FBN2: variants seen among roughly 807,000 people sequenced by gnomAD.
FBN2 encodes fibrillin-2.
A neutral mutation model predicts 355.6 loss-of-function variants in FBN2; 105 were observed. That is an observed-to-expected ratio of 0.30 (90% CI 0.25 to 0.35). The LOEUF (loss-of-function observed/expected upper bound fraction) is 0.35. Ranked by LOEUF, FBN2 falls within the 10% of genes least tolerant of loss-of-function variation. The pLI is 1.00. For missense variants in FBN2, 3,280 were observed against 3,758.7 expected (o/e 0.87, Z 3.33); for synonymous variants, 1,350 against 1,301.2 (o/e 1.04, Z -0.81).
intron 33 of FBN2, among the ~76,000 whole-genome samples, chr5:128,330,216 T>C (rs765524513): frequency 7.2e-5 from 11 of 152,222 alleles, no homozygotes; most frequent in Non-Finnish European, 1.5e-5. Context: ...AGTAATTCAC[T>C]TACAGTTACA....
At chr5:128,274,746 T>G in intron 59 of FBN2, 63 bp from the exon 60 acceptor site, 1 of 1,027,182 alleles carries the variant, frequency 9.7e-7, no homozygotes, top group Middle Eastern at 2.0e-4. Flanking sequence ...TCCTTTCTTG[T>G]GAAGCCACAG....
chr5:128,305,596 C>T lies in FBN2; in HGVS notation c.5589G>A (p.Arg1863=), dbSNP rs1286622027. 6.2e-7 allele frequency: 1 copy of T among 1,613,962 alleles called. No individual in the cohort carries two copies. The change falls in exon 44 of 65, where the codon CGG becomes CGA. Residue 1863 remains arginine (R), a synonymous_variant. Coordinates refer to ENST00000262464, the MANE Select transcript of FBN2 (RefSeq NM_001999.4). ...CAGGACTATTGATGCAGTCTGCATT[C>T]CGCTGGCAGAGATTATCACCATTGC... ...ECSNGDNLCQ[R]NADCINSPGS...
At chr5:128,286,363 C>T (rs933306813) in intron 55 of FBN2, among the ~76,000 whole-genome samples, 4 of 152,112 alleles carry the variant, frequency 2.6e-5, no homozygotes, top group Non-Finnish European at 5.9e-5. Context: ...CTTCTAATCT[C>T]GATGTCTTCC....
chr5:128,266,132 G>A (rs991716609), intron 62 of FBN2, among the ~76,000 whole-genome samples: 1 of 152,156 alleles, frequency 6.6e-6, no homozygotes, highest in Non-Finnish European at 1.5e-5. Flanking sequence ...ATATGTTTGA[G>A]TTAAAAATCT....
intron 7 of FBN2, among the ~76,000 whole-genome samples, chr5:128,423,204 C>A (rs913668960): frequency 2.0e-5 from 3 of 152,038 alleles, no homozygotes; most frequent in African/African-American, 4.8e-5. Flanking sequence ...ATGGAATATT[C>A]TTCTCCAGGT....
chr5:128,447,702 C>A (rs1754106408), intron 6 of FBN2, among the ~76,000 whole-genome samples: 1 of 152,206 alleles, frequency 6.6e-6, no homozygotes, highest in South Asian at 2.1e-4. Context: ...CCTATTCGTA[C>A]ACTCTCTCCC....
chr5:128,272,164 C>G, intron 61 of FBN2, 46 bp from the exon 62 acceptor site: 1 of 1,612,542 alleles, frequency 6.2e-7, no homozygotes, highest in Non-Finnish European at 8.5e-7. Context: ...CTTTCTTCTA[C>G]TATTTTTAAA....
chr5:128,266,303 A>T (rs550763644), intron 62 of FBN2, among the ~76,000 whole-genome samples: 1 of 152,314 alleles, frequency 6.6e-6, no homozygotes, highest in South Asian at 2.1e-4. Context: ...TTAGTAGAAT[A>T]AGCTTACAAA....
intron 20 of FBN2, among the ~76,000 whole-genome samples, chr5:128,355,677 T>C (rs1402157519): frequency 6.6e-6 from 1 of 152,204 alleles, no homozygotes; most frequent in Non-Finnish European, 1.5e-5. Context: ...TATTTGTTAT[T>C]TTCTTTTTCA....
intron 7 of FBN2, among the ~76,000 whole-genome samples, chr5:128,436,278 C>T (rs1300291823): frequency 1.3e-5 from 2 of 152,162 alleles, no homozygotes; most frequent in African/African-American, 2.4e-5. Context: ...GCTGGTCTCA[C>T]TTTCTTGGAT....
chr5:128,535,101 G>C (rs1561503440), intron 2 of FBN2, among the ~76,000 whole-genome samples: 1 of 152,102 alleles, frequency 6.6e-6, no homozygotes, highest in East Asian at 1.9e-4. Context: ...TGCAGAACAT[G>C]TTCTTTTAAA....
Position 128,293,207 on chromosome 5 carries a change from T to C in FBN2, c.6167-1553A>G, listed in dbSNP as rs141948716. Among the ~76,000 whole-genome samples the C allele has an allele frequency of 4.1e-3, 628 of 152,288 alleles. 5 individuals are homozygous for C. The highest frequency in any genetic ancestry group is 8.3e-3 in the South Asian group (40 of 4,820). On this transcript the variant is annotated intron_variant, in intron 48 of 64. Coordinates refer to ENST00000262464, the MANE Select transcript of FBN2 (RefSeq NM_001999.4). ...AAAAGATACTAGTCTGAAGAAAATC[T>C]TACAGTGAAGTAAGTTAATTAAAAA...
At chr5:128,449,533 T>C (rs1754180230) in intron 6 of FBN2, among the ~76,000 whole-genome samples, 2 of 150,232 alleles carry the variant, frequency 1.3e-5, no homozygotes, top group Admixed American at 6.7e-5. Context: ...TAAATACGTA[T>C]AAACACTAAA....
At chr5:128,338,431 C>T (rs1308987841) in intron 26 of FBN2, among the ~76,000 whole-genome samples, 2 of 152,090 alleles carry the variant, frequency 1.3e-5, no homozygotes, top group Non-Finnish European at 2.9e-5. Context: ...GTCAGTTATC[C>T]TGGTGTCTGT....
chr5:128,403,725 CAT>C (rs1326682851), intron 8 of FBN2, among the ~76,000 whole-genome samples: 1 of 151,494 alleles, frequency 6.6e-6, no homozygotes, highest in African/African-American at 2.4e-5. Flanking sequence ...GGAACTGGCA[CAT>C]GTTAGTGCTC....
Position 128,305,095 on chromosome 5 carries a change from A to T in FBN2, c.5675-13T>A. On this transcript the variant is annotated splice_polypyrimidine_tract_variant and intron_variant, in intron 44 of 64. Coordinates refer to ENST00000262464, the MANE Select transcript of FBN2 (RefSeq NM_001999.4). ...CATTCATTGCGATCTAAAACAGAAA[A>T]AAATAAATGTTACATGTATCTGATT... The T allele has an allele frequency of 6.3e-7, 1 of 1,579,356 alleles. No individual in the cohort carries two copies.
intron 57 of FBN2, 77 bp downstream of exon 57, chr5:128,278,558 C>A: frequency 7.5e-7 from 1 of 1,328,556 alleles, no homozygotes; most frequent in Non-Finnish European, 1.1e-6. Context: ...ATCAATTTTT[C>A]ACTTTTCCTT....
rs1752091548 is a variant in FBN2 at position 128,376,791 on chromosome 5, T to G, written c.1912A>C (p.Ser638Arg). The G allele has an allele frequency of 1.9e-6, 3 of 1,613,562 alleles. No homozygotes were observed. The highest frequency in any genetic ancestry group is 2.2e-5 in the East Asian group (1 of 44,870). The change falls in exon 14 of 65, where the codon AGC (serine) becomes CGC (arginine). Residue 638 changes from serine (S) to arginine (R), a missense_variant. Physicochemically the swap from Ser to Arg is moderately radical, Grantham distance 110. Coordinates refer to ENST00000262464, the MANE Select transcript of FBN2 (RefSeq NM_001999.4). ...CCTGGTTTGCAGATGCACTTGAAGC[T>G]GCCATCTTCATTGATGCACATTCCA... The part of the protein sequence containing the change: ...LNGMCINEDG[S>R]FKCICKPGFV...
At position 128,479,386 on chromosome 5, in the gene FBN2, T is replaced by C. The variant is rs1471036875; in HGVS notation, c.629-14465A>G. On this transcript the variant is annotated intron_variant, in intron 5 of 64. Transcript: ENST00000262464. ...AAATAGTGACACGTGTGTATGCATA[T>C]ACATATGTATATACACACATATATG... is the stretch of plus-strand genomic sequence containing the variant. Among the ~76,000 whole-genome samples the C allele has an allele frequency of 2.6e-5, 4 of 152,298 alleles. No homozygotes were observed. The South Asian group carries it at 6.2e-4, about 24-fold the overall frequency.
Sources: allele counts gnomAD v4.1 joint callset (sites outside exome capture counted in the v4.1 genomes callset), GRCh38; gene constraint gnomAD v4.1.1; transcripts MANE v1.5; gene names NCBI Gene and HGNC (gene_info 2026-07-23, HGNC 2026-07-21).